Variants in PDE3B observed in about 807,000 individuals in gnomAD.
PDE3B encodes the protein cGMP-inhibited 3',5'-cyclic phosphodiesterase 3B.
PDE3B carries 66 observed loss-of-function variants against 116.8 expected under a neutral mutation model. The ratio of observed to expected loss-of-function variants is 0.56; its 90% CI spans 0.46 to 0.69. PDE3B has a LOEUF of 0.69. Ranked by LOEUF, PDE3B falls within the 30% of genes least tolerant of loss-of-function variation. The probability of loss-of-function intolerance (pLI) is 0.00; values close to 1 mark genes in which losing one functional copy is unlikely to be tolerated. For missense variants in PDE3B, 1,384 were observed against 1,368.1 expected, an observed-to-expected ratio of 1.01 and a Z score of -0.18; for synonymous variants, 595 against 533.6, an observed-to-expected ratio of 1.12 and a Z score of -1.59.
chr11:14,820,246 T>TG (rs397810362), intron 7 of PDE3B, among the ~76,000 whole-genome samples: 1 of 151,468 alleles, frequency 6.6e-6, no homozygotes, highest in Non-Finnish European at 1.5e-5. Context: ...TTTTTTTTTT[T>TG]GTATATCATT....
the PDE3B span, chr11:14,885,910 C>T: frequency 1.9e-6 from 3 of 1,613,250 alleles, no homozygotes; most frequent in Admixed American, 1.7e-5. Flanking sequence ...AAGATCTAAA[C>T]TGAAGATCTT....
rs199874491 is a variant in PDE3B at position 14,644,461 on chromosome 11, T to C, written c.386T>C (p.Phe129Ser). The C allele has an allele frequency of 1.7e-5, 28 of 1,612,954 alleles. No individual in the cohort carries two copies. The East Asian group carries it at 1.8e-4, about 10-fold the overall frequency. The part of the protein sequence containing the change: ...LSPLFSIACA[F>S]FFLTCFLTRT... ...CCCCTCTTCAGCATCGCCTGTGCCT[T>C]CTTCTTCCTCACCTGCTTCCTCACC... The change falls in exon 1 of 16, where the codon TTC (phenylalanine) becomes TCC (serine). Residue 129 changes from phenylalanine to serine, a missense_variant. Physicochemically the swap from Phe to Ser is radical, Grantham distance 155. Around this residue, in one of 2 missense-constraint regions of PDE3B, gnomAD observed 956 missense variants for 806.8 expected, o/e 1.18. Coordinates refer to ENST00000282096, the MANE Select transcript of PDE3B (RefSeq NM_000922.4).
chr11:14,869,553 G>C lies in PDE3B; in HGVS notation c.3232G>C (p.Glu1078Gln). 1 of 1,613,888 alleles carries C rather than the reference G, an allele frequency of 6.2e-7. No individual in the cohort carries two copies. The highest frequency in any genetic ancestry group is 1.1e-5 in the South Asian group (1 of 91,052). The change falls in exon 16 of 16, where the codon GAA becomes CAA. Residue 1078 changes from glutamate to glutamine, a missense_variant. By Grantham distance (29) the Glu-to-Gln change is conservative. This residue lies in a region of PDE3B where 428 missense variants were observed against 561.4 expected (regional missense o/e 0.76). Transcript: ENST00000282096. ...CAAGATATGGAAGGAAATCGTAGAGGAAGAAGAAAAATGTAAAGCTGATGG... is the reference window on the plus strand; with the variant it reads ...CAAGATATGGAAGGAAATCGTAGAGCAAGAAGAAAAATGTAAAGCTGATGG... ...NHKIWKEIVE[E>Q]EEKCKADGNK...
At chr11:14,847,703 C>A (rs1226333095) in intron 12 of PDE3B, among the ~76,000 whole-genome samples, 1 of 152,198 alleles carries the variant, frequency 6.6e-6, no homozygotes, top group Non-Finnish European at 1.5e-5. Context: ...GAGAATAGTA[C>A]AAACAGCTCT....
At chr11:14,737,157 G>T (rs1437276832) in intron 1 of PDE3B, among the ~76,000 whole-genome samples, 1 of 151,548 alleles carries the variant, frequency 6.6e-6, no homozygotes, top group Non-Finnish European at 1.5e-5. Context: ...CACAATGTCA[G>T]TGATAGATAA....
chr11:14,671,400 A>G (rs1854363224), intron 1 of PDE3B, among the ~76,000 whole-genome samples: 1 of 152,034 alleles, frequency 6.6e-6, no homozygotes. Context: ...GTGGTGGGAA[A>G]GATCTTGACA....
chr11:14,722,242 A>T (rs1045540907), intron 1 of PDE3B, among the ~76,000 whole-genome samples: 10 of 152,212 alleles, frequency 6.6e-5, no homozygotes, highest in South Asian at 4.1e-4. Flanking sequence ...GCACACCAAC[A>T]TGGCACATGT....
At chr11:14,800,348 G>A (rs975915589) in intron 4 of PDE3B, among the ~76,000 whole-genome samples, 9 of 151,994 alleles carry the variant, frequency 5.9e-5, no homozygotes, top group African/African-American at 2.2e-4. Flanking sequence ...GCCTGTAATC[G>A]CAACTACTCA....
the PDE3B span, chr11:14,879,403 A>G: frequency 4.4e-6 from 7 of 1,606,704 alleles, no homozygotes; most frequent in Non-Finnish European, 5.1e-6. Flanking sequence ...AAGGCTTCCC[A>G]TTAGGGCCCA....
In PDE3B at chr11:14,701,151, T is replaced by C. The variant is rs376918141; in HGVS notation, c.978+56098T>C. ...TTAATCTTCCCCCACAAATTTTATT[T>C]TGTATATTTTAATTGCAAAAATAAA... is the stretch of plus-strand genomic sequence containing the variant. On this transcript the variant is annotated intron_variant, in intron 1 of 15. Transcript: ENST00000282096. 8.6e-4 allele frequency among the ~76,000 whole-genome samples: 131 copies of C among 151,870 alleles called. 4 individuals are homozygous for C. In the South Asian group the frequency reaches 0.025, roughly 29 times the overall value.
chr11:14,885,191 G>C, the PDE3B span, among the ~76,000 whole-genome samples: 1 of 152,132 alleles, frequency 6.6e-6, no homozygotes, highest in Non-Finnish European at 1.5e-5. Context: ...CACTGTATGT[G>C]ATCTGAACAT....
chr11:14,793,407 G>A (rs545502467), intron 4 of PDE3B, among the ~76,000 whole-genome samples: 8 of 152,252 alleles, frequency 5.3e-5, no homozygotes, highest in African/African-American at 1.9e-4. Flanking sequence ...GTGAAACAAA[G>A]TTTTGACTAT....
At chr11:14,866,780 A>G (rs1336139255) in intron 14 of PDE3B, among the ~76,000 whole-genome samples, 1 of 152,198 alleles carries the variant, frequency 6.6e-6, no homozygotes, top group Non-Finnish European at 1.5e-5. Flanking sequence ...AGTACTTGCT[A>G]AACACTTTAT....
At chr11:14,654,950 A>T in intron 1 of PDE3B, among the ~76,000 whole-genome samples, 1 of 32,226 alleles carries the variant, frequency 3.1e-5, no homozygotes, top group East Asian at 8.8e-4. Context: ...AGAAAAAAGG[A>T]GGTCAAAAAA....
At chr11:14,844,814 A>G (rs1048961159) in intron 12 of PDE3B, among the ~76,000 whole-genome samples, 1 of 152,262 alleles carries the variant, frequency 6.6e-6, no homozygotes, top group Non-Finnish European at 1.5e-5. Flanking sequence ...AGGCTTGCTT[A>G]GGTAAACAAA....
intron 1 of PDE3B, among the ~76,000 whole-genome samples, chr11:14,743,855 C>T (rs148233459): frequency 1.3e-5 from 2 of 152,132 alleles, no homozygotes; most frequent in Admixed American, 6.5e-5. Context: ...GAGGAGATGC[C>T]CCACCCTGCA....
chr11:14,798,058 C>T (rs879136697), intron 4 of PDE3B, among the ~76,000 whole-genome samples: 1 of 151,954 alleles, frequency 6.6e-6, no homozygotes. Flanking sequence ...TATGATATTG[C>T]TTATTGGTTT....
At chr11:14,729,511 A>G (rs183067344) in intron 1 of PDE3B, among the ~76,000 whole-genome samples, 3 of 152,158 alleles carry the variant, frequency 2.0e-5, no homozygotes, top group Admixed American at 1.3e-4. Context: ...TTACTTCTCC[A>G]TTTTATCCCC....
chr11:14,730,097 C>T (rs1856416799), intron 1 of PDE3B, among the ~76,000 whole-genome samples: 1 of 152,122 alleles, frequency 6.6e-6, no homozygotes, highest in Non-Finnish European at 1.5e-5. Flanking sequence ...ACTCACTTGC[C>T]CCTCACGTTA....
Sources: allele counts gnomAD v4.1 joint callset (sites outside exome capture counted in the v4.1 genomes callset), GRCh38; gene constraint gnomAD v4.1.1; regional missense constraint gnomAD v4.1.1; transcripts MANE v1.5; gene names NCBI Gene and HGNC (gene_info 2026-07-23, HGNC 2026-07-21).